ZBTB44: variants seen among roughly 807,000 people sequenced by gnomAD.
ZBTB44 encodes the protein zinc finger and BTB domain containing 44.
In ZBTB44, 15 loss-of-function variants were observed where a neutral mutation model predicts 54.0. The observed-to-expected ratio is 0.28, with a 90% confidence interval of 0.19 to 0.43. The LOEUF is 0.43. Among genes scored for constraint, ZBTB44 ranks in the 20% least tolerant of loss-of-function variants. The probability of loss-of-function intolerance (pLI) is 1.00; values close to 1 mark genes in which losing one functional copy is unlikely to be tolerated. For synonymous variants in ZBTB44, 230 were observed against 250.1 expected (o/e 0.92, Z 0.76); for missense variants, 487 against 707.1 (o/e 0.69, Z 3.53).
chr11:130,306,697 G>GTA (rs959006390), intron 1 of ZBTB44, among the ~76,000 whole-genome samples: 7 of 152,090 alleles, frequency 4.6e-5, no homozygotes, highest in African/African-American at 1.7e-4. Context: ...AGAAAACGTG[G>GTA]TATATTTACA....
intron 1 of ZBTB44, among the ~76,000 whole-genome samples, chr11:130,301,620 T>C (rs1292137560): frequency 6.6e-6 from 1 of 152,056 alleles, no homozygotes; most frequent in Non-Finnish European, 1.5e-5. Context: ...GCAGAGACTG[T>C]GCCATTGCAC....
intron 1 of ZBTB44, among the ~76,000 whole-genome samples, chr11:130,274,167 TA>T (rs113205850): frequency 0.062 from 9,487 of 152,218 alleles, 735 homozygotes; most frequent in African/African-American, 0.18. Flanking sequence ...TGAACATTCC[TA>T]AATCCAAAAA....
At position 130,236,782 on chromosome 11, in the gene ZBTB44, G is replaced by A; in HGVS notation, c.1568+11C>T. 1 of 1,330,012 alleles carries A rather than the reference G, an allele frequency of 7.5e-7. No individual in the cohort carries two copies. The highest frequency in any genetic ancestry group is 9.6e-7 in the Non-Finnish European group (1 of 1,041,652). 82.4% of individuals were successfully genotyped at this position (1,330,012 alleles called of 1,614,324 possible). On this transcript the variant is annotated intron_variant, in intron 5 of 7. Coordinates refer to ENST00000357899, the MANE Select transcript of ZBTB44 (RefSeq NM_001301098.2). ...CAGTTTTCCTGGTTGGGTTTTCGTT[G>A]TGCACCTCACCTGCTCTGGAAGTAG...
At chr11:130,273,272 C>A (rs989733225) in intron 1 of ZBTB44, among the ~76,000 whole-genome samples, 6 of 145,402 alleles carry the variant, frequency 4.1e-5, no homozygotes, top group Admixed American at 3.4e-4. Flanking sequence ...TAAATTTATT[C>A]TTTTGATGTC....
intron 1 of ZBTB44, among the ~76,000 whole-genome samples, chr11:130,266,589 T>C (rs1172543820): frequency 1.3e-5 from 2 of 152,346 alleles, no homozygotes; most frequent in East Asian, 3.9e-4. Context: ...TTAAGACTGT[T>C]TGACATTCAT....
intron 1 of ZBTB44, among the ~76,000 whole-genome samples, chr11:130,268,005 G>A (rs1939382557): frequency 6.6e-6 from 1 of 151,526 alleles, no homozygotes; most frequent in African/African-American, 2.4e-5. Context: ...GGGAGGTGGA[G>A]GCTGCAGTGA....
At chr11:130,299,547 C>T (rs565464162) in intron 1 of ZBTB44, among the ~76,000 whole-genome samples, 14 of 146,606 alleles carry the variant, frequency 9.5e-5, no homozygotes, top group South Asian at 2.1e-4. Context: ...AGCGAGACTT[C>T]GTCTCGGGGA....
Position 130,261,607 on chromosome 11 carries a change from A to G in ZBTB44, c.267T>C (p.Ala89=). 1 of 1,614,020 alleles carries G rather than the reference A, an allele frequency of 6.2e-7. No individual in the cohort carries two copies. Among genetic ancestry groups the G allele is most frequent in the East Asian group, 2.2e-5 (1 of 44,888 alleles). The change falls in exon 2 of 8, where the codon GCT becomes GCC. Residue 89 remains alanine, a synonymous_variant. Transcript: ENST00000357899. This position sits in a 1 kb window ranked among gnomAD's most constrained non-coding sequence, Gnocchi z 4.8. Reference sequence around the variant, plus strand: ...TGTTAATTGATAGAGTGGCTGTGTAAGCATATTCTAAAAGAGGTATAAAGC... The same window carrying G: ...TGTTAATTGATAGAGTGGCTGTGTAGGCATATTCTAAAAGAGGTATAAAGC... ...VTGFIPLLEY[A]YTATLSINTE... is the part of the protein sequence containing the mutation.
At chr11:130,266,383 G>A (rs1056472226) in intron 1 of ZBTB44, among the ~76,000 whole-genome samples, 1 of 152,232 alleles carries the variant, frequency 6.6e-6, no homozygotes, top group Non-Finnish European at 1.5e-5. Flanking sequence ...GTACATGACT[G>A]ATGTTGTTTT....
intron 1 of ZBTB44, among the ~76,000 whole-genome samples, chr11:130,266,074 A>T (rs1939227933): frequency 6.6e-6 from 1 of 152,238 alleles, no homozygotes; most frequent in Admixed American, 6.5e-5. Flanking sequence ...CCTGGCTTCA[A>T]AACTTCAAAG....
At chr11:130,267,241 G>A (rs112652128) in intron 1 of ZBTB44, among the ~76,000 whole-genome samples, 5,932 of 152,058 alleles carry the variant, frequency 0.039, 284 homozygotes, top group African/African-American at 0.11. Flanking sequence ...ATCAACCTGG[G>A]CGACAGAGTG....
chr11:130,283,832 T>C (rs1002366473), intron 1 of ZBTB44, among the ~76,000 whole-genome samples: 5 of 151,360 alleles, frequency 3.3e-5, no homozygotes, highest in African/African-American at 1.2e-4. Context: ...TAGCTGGGCA[T>C]GATGGCAGGT....
At chr11:130,257,069 A>G (rs1257521757) in intron 2 of ZBTB44, among the ~76,000 whole-genome samples, 5 of 152,084 alleles carry the variant, frequency 3.3e-5, no homozygotes, top group African/African-American at 1.2e-4. Flanking sequence ...CAACTTCAGC[A>G]AAGTCTCGGG....
At chr11:130,292,122 C>CTA (rs1941335648) in intron 1 of ZBTB44, among the ~76,000 whole-genome samples, 1 of 152,132 alleles carries the variant, frequency 6.6e-6, no homozygotes, top group Non-Finnish European at 1.5e-5. Context: ...TTGCTGAATA[C>CTA]TATTTCATTG....
chr11:130,288,028 T>A (rs1426113432), intron 1 of ZBTB44, among the ~76,000 whole-genome samples: 3 of 151,604 alleles, frequency 2.0e-5, no homozygotes, highest in African/African-American at 7.3e-5. Context: ...TCTCTTTAAG[T>A]CTGGCTTATT....
intron 2 of ZBTB44, among the ~76,000 whole-genome samples, chr11:130,254,361 C>T (rs1383029219): frequency 6.6e-6 from 1 of 151,892 alleles, no homozygotes; most frequent in African/African-American, 2.4e-5. Context: ...AGAACTCAAA[C>T]AAATTTACAA....
intron 2 of ZBTB44, among the ~76,000 whole-genome samples, chr11:130,256,711 A>C (rs745475205): frequency 2.0e-5 from 3 of 150,440 alleles, no homozygotes; most frequent in Non-Finnish European, 2.9e-5. Context: ...TTCATGCTAA[A>C]AACTCTGAAT....
At chr11:130,259,859 G>C (rs1162006025) in intron 2 of ZBTB44, among the ~76,000 whole-genome samples, 1 of 151,896 alleles carries the variant, frequency 6.6e-6, no homozygotes, top group Non-Finnish European at 1.5e-5. Context: ...CGCAGATGAA[G>C]GGTTGATGGG....
intron 2 of ZBTB44, among the ~76,000 whole-genome samples, chr11:130,241,207 G>A (rs1954348484): frequency 6.6e-6 from 1 of 152,158 alleles, no homozygotes; most frequent in Non-Finnish European, 1.5e-5. Context: ...TAAAGACTTA[G>A]GAATGGAGGT....
Sources: gnomAD v4.1 joint callset for allele counts (sites outside exome capture counted in the v4.1 genomes callset) on GRCh38, gnomAD v4.1.1 for gene constraint, Gnocchi (gnomAD v3.1) non-coding constraint, MANE v1.5 for transcripts, NCBI Gene and HGNC (gene_info 2026-07-23, HGNC 2026-07-21) for gene names.